Variants in TYK2 observed in about 807,000 individuals in gnomAD.
TYK2 encodes tyrosine kinase 2.
Under a neutral mutation model 130.9 loss-of-function variants are expected in TYK2, and 65 were observed. The observed-to-expected ratio is 0.50, with a 90% CI of 0.41 to 0.61. TYK2 has a LOEUF of 0.61. Among genes scored for constraint, TYK2 ranks in the 20% least tolerant of loss-of-function variants. The pLI is 0.00. For missense variants in TYK2, 1,378 were observed against 1,610.7 expected, an observed-to-expected ratio of 0.86 and a Z score of 2.47; for synonymous variants, 647 against 658.9, an observed-to-expected ratio of 0.98 and a Z score of 0.28.
Position 10,362,406 on chromosome 19 carries a change from C to A in TYK2, c.1527G>T (p.Gln509His). The change falls in exon 11 of 25, where the codon CAG becomes CAT. Residue 509 changes from glutamine to histidine, a missense_variant. Gln to His is a conservative substitution (Grantham distance 24, BLOSUM62 0). Transcript: ENST00000525621. ...CCTCCAGCACGAAGGCCCCGTCCTG[C>A]TGCTCAATGGGGAACTTTCGGAGCC... ...SLRLRKFPIE[Q>H]QDGAFVLEGW... is the part of the protein sequence containing the mutation. The A allele has an allele frequency of 6.2e-7, 1 of 1,612,958 alleles. No individual in the cohort carries two copies. Among genetic ancestry groups the A allele is most frequent in the South Asian group, 1.1e-5 (1 of 91,004 alleles).
At chr19:10,375,112 T>G (rs533287941) in intron 3 of TYK2, among the ~76,000 whole-genome samples, 2 of 149,996 alleles carry the variant, frequency 1.3e-5, no homozygotes, top group Non-Finnish European at 3.0e-5. Context: ...GAGGCTGCAA[T>G]GCGTCATGAT....
At chr19:10,377,984 G>A (rs1198356969) in intron 3 of TYK2, among the ~76,000 whole-genome samples, 9 of 134,208 alleles carry the variant, frequency 6.7e-5, no homozygotes, top group Admixed American at 5.9e-4. Context: ...GTGGGTGGAT[G>A]GGTGGATGGG....
rs947365715 is a variant in TYK2 at position 10,364,548 on chromosome 19, C to T, written c.1367+66G>A. ...ACCTACACACACACCCTGCACAGCC[C>T]CTAGGGCTCACAGTCTAGTTGGCAC... On this transcript the variant is annotated intron_variant, in intron 9 of 24. Transcript: ENST00000525621. The surrounding 1 kb of genome is among the most constrained non-coding windows in gnomAD (Gnocchi z 4.9). 6.3e-7 allele frequency: 1 copy of T among 1,584,098 alleles called. No homozygotes were observed. The highest frequency in any genetic ancestry group is 8.7e-7 in the Non-Finnish European group (1 of 1,154,994).
At chr19:10,366,760 G>A (rs553981779) in intron 5 of TYK2, among the ~76,000 whole-genome samples, 180 bp from the exon 6 acceptor site, 17 of 148,306 alleles carry the variant, frequency 1.1e-4, no homozygotes, top group East Asian at 6.0e-4. Context: ...AAAGAATATC[G>A]CAAGCCGGGC....
At chr19:10,372,484 ATTTT>A (rs1170442654) in intron 3 of TYK2, among the ~76,000 whole-genome samples, 34 of 37,390 alleles carry the variant, frequency 9.1e-4, no homozygotes, top group East Asian at 1.2e-3. Flanking sequence ...ATATATATAT[ATTTT>A]TTTTTTTTTT....
intron 3 of TYK2, chr19:10,368,656 C>A: frequency 1.9e-6 from 1 of 522,374 alleles, no homozygotes. Flanking sequence ...AATTGCACTG[C>A]TGGTTTCTGG....
At chr19:10,365,940 T>C in intron 6 of TYK2, 42 bp from the exon 7 acceptor site, 1 of 1,557,208 alleles carries the variant, frequency 6.4e-7, no homozygotes, top group Non-Finnish European at 8.7e-7. Flanking sequence ...GGACCTGGGT[T>C]GCAGGCCCAG....
intron 14 of TYK2, among the ~76,000 whole-genome samples, chr19:10,360,358 G>A (rs913435023): frequency 6.6e-6 from 1 of 151,848 alleles, no homozygotes; most frequent in Non-Finnish European, 1.5e-5. Context: ...TCAGCCGGGT[G>A]TGATAGCACA....
chr19:10,356,499 A>C (rs1445030245), intron 18 of TYK2, 69 bp downstream of exon 18: 2 of 1,589,542 alleles, frequency 1.3e-6, no homozygotes. Context: ...CTCGTGCGCT[A>C]TAGGCATACA....
At chr19:10,377,374 A>ATGGATGGATT in intron 3 of TYK2, among the ~76,000 whole-genome samples, 1 of 74,534 alleles carries the variant, frequency 1.3e-5, no homozygotes. Flanking sequence ...ATGGATGGAT[A>ATGGATGGATT]GATGGATGAA....
chr19:10,353,478 A>G lies in TYK2; in HGVS notation c.3027+50T>C. ...GCACCGGATCGCTCAGGCCAGCCCA[A>G]GCTGAAGAGGAAGGGGCAAGCTCCA... On this transcript the variant is annotated intron_variant, in intron 21 of 24. Coordinates refer to ENST00000525621, the MANE Select transcript of TYK2 (RefSeq NM_003331.5). The surrounding 1 kb of genome is among the most constrained non-coding windows in gnomAD (Gnocchi z 6.9). 7.4e-7 allele frequency: 1 copy of G among 1,356,708 alleles called. No individual in the cohort carries two copies. Among genetic ancestry groups the G allele is most frequent in the Non-Finnish European group, 9.9e-7 (1 of 1,010,818 alleles). 84.0% of individuals were successfully genotyped at this position (1,356,708 alleles called of 1,614,324 possible).
Position 10,365,651 on chromosome 19 carries a change from T to G in TYK2, c.877A>C (p.Ile293Leu), listed in dbSNP as rs773337151. 1.2e-6 allele frequency: 2 copies of G among 1,613,622 alleles called. No homozygotes were observed. The highest frequency in any genetic ancestry group is 1.7e-6 in the Non-Finnish European group (2 of 1,179,844). Residue 293 changes from isoleucine (I) to leucine (L), a missense_variant, in exon 7 of 25, where the codon ATC (isoleucine) becomes CTC (leucine). Ile to Leu is a conservative substitution (Grantham distance 5). Transcript: ENST00000525621. ...GTAGGGGCCACCCCACTGTCCCGGA[T>G]GTAGCAGGGCTCCCCCTCGGCCTGG... ...LAQAEGEPCY[I>L]RDSGVAPTDP... is the part of the protein sequence containing the mutation.
Position 10,364,825 on chromosome 19 carries a change from A to G in TYK2, c.1209+26T>C. The G allele has an allele frequency of 6.2e-7, 1 of 1,613,938 alleles. No homozygotes were observed. Among genetic ancestry groups the G allele is most frequent in the African/African-American group, 1.3e-5 (1 of 75,074 alleles). ...GTCCTCCCAGGCCATGATGGGCCCT[A>G]GCCCAGCCCCTACCCTGGGCCTCAC... On this transcript the variant is annotated intron_variant, in intron 8 of 24. Transcript: ENST00000525621. The surrounding 1 kb of genome is among the most constrained non-coding windows in gnomAD (Gnocchi z 4.9).
intron 23 of TYK2, among the ~76,000 whole-genome samples, chr19:10,352,027 C>T (rs1160602499): frequency 6.6e-6 from 1 of 151,352 alleles, no homozygotes; most frequent in African/African-American, 2.4e-5. Context: ...TGTCAGCCAC[C>T]GCGCCCGGCC....
rs1372234525 is a variant in TYK2, at chr19:10,365,826, A to C, written c.702T>G (p.Leu234=). ...GCAGGAACCTGCGGAAGACGTTCCG[A>C]AGGCGCAGCCGGGTCAGGGCGCTGT... ...RQHSALTRLR[L]RNVFRRFLRD... is the part of the protein sequence containing the mutation. Residue 234 remains leucine (L), a synonymous_variant, in exon 7 of 25, where the codon CTT becomes CTG. Transcript: ENST00000525621. The C allele has an allele frequency of 4.3e-6, 7 of 1,612,400 alleles. No individual in the cohort carries two copies. The Admixed American group carries it at 1.2e-4, about 27-fold the overall frequency.
chr19:10,379,509 A>AATC (rs1568348227), intron 2 of TYK2, 106 bp downstream of exon 2: 23 of 144,158 alleles, frequency 1.6e-4, no homozygotes, highest in African/African-American at 5.8e-4. Flanking sequence ...AAAATACAAT[A>AATC]AATAAATAAA....
At chr19:10,370,523 A>G (rs2041870106) in intron 3 of TYK2, among the ~76,000 whole-genome samples, 1 of 150,618 alleles carries the variant, frequency 6.6e-6, no homozygotes, top group South Asian at 2.1e-4. Context: ...AAAAAAAAAA[A>G]AAAATGGTAT....
In TYK2 at chr19:10,354,018, T is replaced by C. The variant is rs372200950; in HGVS notation, c.2908+24A>G. ...CTCTAACCACGCCCCCTCAAGTCTC[T>C]AGGACTCGCCGGGTCCCGCCCACCT... On this transcript the variant is annotated intron_variant, in intron 20 of 24. Coordinates refer to ENST00000525621, the MANE Select transcript of TYK2 (RefSeq NM_003331.5). 3.0e-5 allele frequency: 49 copies of C among 1,611,988 alleles called. 1 individual carries two copies. The African/African-American group carries it at 3.7e-4, about 12-fold the overall frequency.
intron 3 of TYK2, among the ~76,000 whole-genome samples, chr19:10,377,978 G>C (rs1483244998): frequency 4.3e-5 from 5 of 115,670 alleles, no homozygotes; most frequent in Middle Eastern, 5.6e-3. Flanking sequence ...GAATGGGTGG[G>C]TGGATGGGTG....
Sources: allele counts gnomAD v4.1 joint callset (sites outside exome capture counted in the v4.1 genomes callset), GRCh38; gene constraint gnomAD v4.1.1; non-coding constraint Gnocchi (gnomAD v3.1); transcripts MANE v1.5; gene names NCBI Gene and HGNC (gene_info 2026-07-23, HGNC 2026-07-21).